The following RC3H2 variants were observed in gnomAD, a reference collection of about 807,000 sequenced individuals.
RC3H2 encodes roquin-2.
In RC3H2, 31 loss-of-function variants were observed where a neutral mutation model predicts 133.3. That is an observed-to-expected ratio of 0.23 (90% confidence interval 0.17 to 0.31). RC3H2 has a LOEUF of 0.31. RC3H2 is among the 10% of genes least tolerant of loss of function. RC3H2 has a pLI of 1.00. For missense variants in RC3H2, 1,175 were observed against 1,437.2 expected, an observed-to-expected ratio of 0.82 and a Z score of 2.95; for synonymous variants, 517 against 502.2, an observed-to-expected ratio of 1.03 and a Z score of -0.40.
chr9:122,870,829 T>C (rs1327168199), intron 9 of RC3H2, among the ~76,000 whole-genome samples: 1 of 152,250 alleles, frequency 6.6e-6, no homozygotes, highest in African/African-American at 2.4e-5. Flanking sequence ...TGTATCTCAT[T>C]TGGTAAAAGC....
Position 122,859,080 on chromosome 9 carries a change from C to A in RC3H2, c.1872G>T (p.Thr624=), listed in dbSNP as rs769167647. The part of the protein sequence containing the change: ...PQTGYYPPPP[T]VPAGVAPCVP... ...CACAGGGAGCCACACCAGCTGGTAC[C>A]GTTGGAGGTGGTGGATAGTATCCTT... is the stretch of plus-strand genomic sequence containing the variant. Residue 624 remains threonine (T), a synonymous_variant, in exon 12 of 21, where the codon ACG becomes ACT. Coordinates refer to ENST00000357244, the MANE Select transcript of RC3H2 (RefSeq NM_001100588.3). 1.3e-6 allele frequency: 2 copies of A among 1,583,144 alleles called. No individual in the cohort carries two copies. Among genetic ancestry groups the A allele is most frequent in the Non-Finnish European group, 1.7e-6 (2 of 1,161,960 alleles).
intron 5 of RC3H2, among the ~76,000 whole-genome samples, chr9:122,882,652 T>C (rs1241819392): frequency 6.6e-6 from 1 of 152,186 alleles, no homozygotes; most frequent in Non-Finnish European, 1.5e-5. Context: ...ACAATGAAAC[T>C]ACATTTTAAA....
rs370023096 is a variant in RC3H2, at chr9:122,854,597, T to C, written c.2834A>G (p.Asn945Ser). ...ISVSDYVPYV[N>S]AVDSRWSSYG... ...TGAACTCCACCTTGAATCAACAGCA[T>C]TGACATAAGGGACATAATCTACAGA... Residue 945 changes from asparagine to serine, a missense_variant, in exon 16 of 21, where the codon AAT (asparagine) becomes AGT (serine). Physicochemically the swap from Asn to Ser is conservative, Grantham distance 46 (BLOSUM62 1). Transcript: ENST00000357244. 9 of 1,612,518 alleles carry C rather than the reference T, an allele frequency of 5.6e-6. No individual in the cohort carries two copies. The highest frequency in any genetic ancestry group is 3.3e-5 in the South Asian group (3 of 91,048).
At chr9:122,891,543 T>C (rs1832173001) in intron 3 of RC3H2, among the ~76,000 whole-genome samples, 1 of 152,236 alleles carries the variant, frequency 6.6e-6, no homozygotes, top group African/African-American at 2.4e-5. Flanking sequence ...AATTAGTTAA[T>C]TCTTAGTTCC....
At chr9:122,899,913 G>A (rs1832591355) in intron 1 of RC3H2, among the ~76,000 whole-genome samples, 1 of 152,154 alleles carries the variant, frequency 6.6e-6, no homozygotes, top group Admixed American at 6.5e-5. Flanking sequence ...TACAAAATAA[G>A]AGCAAATACC....
intron 9 of RC3H2, among the ~76,000 whole-genome samples, chr9:122,872,198 A>G (rs1831131046): frequency 6.6e-6 from 1 of 152,240 alleles, no homozygotes; most frequent in African/African-American, 2.4e-5. Flanking sequence ...TAAGTTATGC[A>G]GGCTCCATAC....
intron 10 of RC3H2, among the ~76,000 whole-genome samples, chr9:122,863,724 G>A (rs528033569): frequency 1.3e-5 from 2 of 152,192 alleles, no homozygotes; most frequent in Admixed American, 6.5e-5. Context: ...ATCTTGCCCA[G>A]GGAAGATTGT....
Position 122,883,299 on chromosome 9 carries a change from A to T in RC3H2, c.664T>A (p.Phe222Ile). Reference sequence around the variant, plus strand: ...CTTGGTTCTAGTCTCTGCACAACAAAAAGTACCAGAACTTTCCTTGAGAGG... The same window carrying T: ...CTTGGTTCTAGTCTCTGCACAACAATAAGTACCAGAACTTTCCTTGAGAGG... Reference protein sequence around the residue: ...SALSRKVLVLFVVQRLEPRFP... With the variant: ...SALSRKVLVLIVVQRLEPRFP... Residue 222 changes from phenylalanine to isoleucine, a missense_variant, in exon 5 of 21, where the codon TTT (phenylalanine) becomes ATT (isoleucine). This residue lies in a region of RC3H2 where 121 missense variants were observed against 243.5 expected (regional missense o/e 0.50). Coordinates refer to ENST00000357244, the MANE Select transcript of RC3H2 (RefSeq NM_001100588.3). 6.2e-7 allele frequency: 1 copy of T among 1,613,914 alleles called. No homozygotes were observed. Among genetic ancestry groups the T allele is most frequent in the Non-Finnish European group, 8.5e-7 (1 of 1,179,936 alleles).
intron 9 of RC3H2, among the ~76,000 whole-genome samples, chr9:122,869,314 A>C (rs1246893490): frequency 6.6e-6 from 1 of 152,212 alleles, no homozygotes; most frequent in East Asian, 1.9e-4. Flanking sequence ...TTAATGTTAT[A>C]TATAAACATA....
chr9:122,851,234 GA>G lies in RC3H2; in HGVS notation c.3232-6del. On this transcript the variant is annotated splice_region_variant and splice_polypyrimidine_tract_variant and intron_variant, in intron 19 of 20. Coordinates refer to ENST00000357244, the MANE Select transcript of RC3H2 (RefSeq NM_001100588.3). The stretch of plus-strand genomic sequence containing the variant: ...AAGCTGTATGTCCAAGATCTCCTAA[GA>G]AAATAAAATGTTAATCCTTCAGTAT... 1.2e-6 allele frequency: 2 copies of G among 1,613,656 alleles called. No individual in the cohort carries two copies. The highest frequency in any genetic ancestry group is 4.5e-5 in the East Asian group (2 of 44,862).
intron 9 of RC3H2, chr9:122,873,732 A>T (rs1831206529): frequency 1.3e-5 from 2 of 152,132 alleles, no homozygotes; most frequent in Non-Finnish European, 2.9e-5. Context: ...AACCCATGAG[A>T]TAAATGAAGT....
intron 16 of RC3H2, 47 bp from the exon 17 acceptor site, chr9:122,854,313 G>A: frequency 7.0e-7 from 1 of 1,435,036 alleles, no homozygotes. Flanking sequence ...AGTGAATGAA[G>A]CAACAAAAGC....
intron 10 of RC3H2, among the ~76,000 whole-genome samples, chr9:122,863,946 A>G (rs1830549051): frequency 6.6e-6 from 1 of 152,206 alleles, no homozygotes; most frequent in East Asian, 1.9e-4. Flanking sequence ...CATGTTGGTC[A>G]GGCTGGTCTT....
At chr9:122,885,471 C>T (rs1482221020) in intron 4 of RC3H2, among the ~76,000 whole-genome samples, 1 of 152,134 alleles carries the variant, frequency 6.6e-6, no homozygotes, top group African/African-American at 2.4e-5. Context: ...AGTGAGGCTA[C>T]TGAGGTCCAG....
At chr9:122,902,603 G>C (rs2793007) in intron 1 of RC3H2, among the ~76,000 whole-genome samples, 109,545 of 152,000 alleles carry the variant, frequency 0.72, 41,661 homozygotes, top group Middle Eastern at 0.87. Flanking sequence ...CCAGCACTTT[G>C]GGAGGCGGAG....
chr9:122,882,628 C>G (rs773276161), intron 5 of RC3H2, among the ~76,000 whole-genome samples: 5 of 152,176 alleles, frequency 3.3e-5, no homozygotes, highest in Non-Finnish European at 5.9e-5. Flanking sequence ...TGTCACTACC[C>G]GCTAGACTAT....
rs747291077 is a variant in RC3H2 at position 122,890,373 on chromosome 9, C to T, written c.522G>A (p.Gln174=). 5 of 1,614,154 alleles carry T rather than the reference C, an allele frequency of 3.1e-6. No individual in the cohort carries two copies. Among genetic ancestry groups the T allele is most frequent in the Non-Finnish European group, 3.4e-6 (4 of 1,180,012 alleles). The change falls in exon 4 of 21, where the codon CAG becomes CAA. Residue 174 remains glutamine, a synonymous_variant. Transcript: ENST00000357244. Reference sequence around the variant, plus strand: ...CGGCCCATAGATTGGCAGACAACTGCTGAGGGTTCTGGTGCTGTAATATCA... The same window carrying T: ...CGGCCCATAGATTGGCAGACAACTGTTGAGGGTTCTGGTGCTGTAATATCA... The part of the protein sequence containing the change: ...TELILQHQNP[Q]QLSANLWAAV...
At chr9:122,894,056 G>A (rs376625924) in intron 2 of RC3H2, among the ~76,000 whole-genome samples, 177 of 152,214 alleles carry the variant, frequency 1.2e-3, no homozygotes, top group Non-Finnish European at 2.4e-3. Context: ...TCAGGAGATC[G>A]AGACCATCCT....
At chr9:122,866,076 T>C (rs1187100340) in intron 9 of RC3H2, among the ~76,000 whole-genome samples, 1 of 152,298 alleles carries the variant, frequency 6.6e-6, no homozygotes, top group South Asian at 2.1e-4. Context: ...AGAAAAGGTA[T>C]GCAAGAGCTG....
Sources: gnomAD v4.1 joint callset for allele counts (sites outside exome capture counted in the v4.1 genomes callset) on GRCh38, gnomAD v4.1.1 for gene constraint, gnomAD v4.1.1 regional missense constraint, MANE v1.5 for transcripts, NCBI Gene and HGNC (gene_info 2026-07-23, HGNC 2026-07-21) for gene names.